CDK13: variants seen among roughly 807,000 people sequenced by gnomAD.
CDK13 encodes cyclin-dependent kinase 13.
Under a neutral mutation model 137.6 loss-of-function variants are expected in CDK13, and 40 were observed. The ratio of observed to expected loss-of-function variants is 0.29; its 90% CI spans 0.23 to 0.38. CDK13 has a LOEUF of 0.38. Among genes scored for constraint, CDK13 ranks in the 10% least tolerant of loss-of-function variants. The pLI is 1.00. For missense variants in CDK13, 1,704 were observed against 1,951.8 expected, an observed-to-expected ratio of 0.87 and a Z score of 2.39; for synonymous variants, 869 against 760.1, an observed-to-expected ratio of 1.14 and a Z score of -2.36.
intron 5 of CDK13, among the ~76,000 whole-genome samples, chr7:40,034,167 T>A (rs1243958448): frequency 1.3e-5 from 2 of 152,184 alleles, no homozygotes; most frequent in African/African-American, 4.8e-5. Flanking sequence ...TAGTTTTTAA[T>A]TAAAACTTGT....
chr7:40,072,075 G>C (rs754321166), intron 9 of CDK13: 1 of 152,140 alleles, frequency 6.6e-6, no homozygotes, highest in African/African-American at 2.4e-5. Flanking sequence ...ATATTAAAAA[G>C]ATACATACTC....
intron 11 of CDK13, among the ~76,000 whole-genome samples, chr7:40,084,543 G>A (rs537677278): frequency 6.6e-6 from 1 of 152,302 alleles, no homozygotes; most frequent in African/African-American, 2.4e-5. Context: ...CAAACGTAAA[G>A]TATATATAGC....
intron 1 of CDK13, among the ~76,000 whole-genome samples, chr7:39,974,577 T>G (rs1485699440): frequency 6.9e-6 from 1 of 143,990 alleles, no homozygotes; most frequent in Non-Finnish European, 1.5e-5. Context: ...TTTTTTTTTG[T>G]TTTTTGAGAT....
chr7:39,965,379 CTTTG>C (rs1231449656), intron 1 of CDK13, among the ~76,000 whole-genome samples: 2 of 152,162 alleles, frequency 1.3e-5, no homozygotes, highest in Non-Finnish European at 2.9e-5. Flanking sequence ...TAATGGCCTT[CTTTG>C]TTTCTTTTGA....
chr7:40,053,667 G>A (rs1785945068), intron 7 of CDK13, among the ~76,000 whole-genome samples: 2 of 151,596 alleles, frequency 1.3e-5, no homozygotes, highest in South Asian at 2.1e-4. Context: ...GGCATCATTG[G>A]GCACATCTTC....
chr7:39,968,612 C>T (rs1016741535), intron 1 of CDK13, among the ~76,000 whole-genome samples: 1 of 152,232 alleles, frequency 6.6e-6, no homozygotes, highest in Non-Finnish European at 1.5e-5. Flanking sequence ...AATCAGTTGA[C>T]TATAAATGGG....
chr7:40,015,507 A>C (rs751470129), intron 5 of CDK13, among the ~76,000 whole-genome samples: 13 of 152,144 alleles, frequency 8.5e-5, no homozygotes, highest in Non-Finnish European at 1.9e-4. Flanking sequence ...GGTTTGTTGT[A>C]ATTATTTAGT....
chr7:40,073,037 A>G (rs1325707948), intron 9 of CDK13: 2 of 152,228 alleles, frequency 1.3e-5, no homozygotes, highest in South Asian at 2.1e-4. Flanking sequence ...GTATGTGTAT[A>G]TGTGAGTATA....
chr7:39,988,198 C>G lies in CDK13; in HGVS notation c.1811C>G (p.Thr604Ser). The G allele has an allele frequency of 6.2e-7, 1 of 1,613,946 alleles. No individual in the cohort carries two copies. The highest frequency in any genetic ancestry group is 1.1e-5 in the South Asian group (1 of 91,044). ...KEKEQHVALV[T>S]STLPPLPLPP... is the part of the protein sequence containing the mutation. ...AAGGAGCAACATGTAGCTTTAGTCA[C>G]CTCTACATTACCACCGTTACCTTTG... is the stretch of plus-strand genomic sequence containing the variant. The change falls in exon 2 of 14, where the codon ACC (threonine) becomes AGC (serine). Residue 604 changes from threonine (T) to serine (S), a missense_variant. Transcript: ENST00000181839.
chr7:40,074,147 G>C (rs2150533741), intron 9 of CDK13, among the ~76,000 whole-genome samples: 1 of 152,084 alleles, frequency 6.6e-6, no homozygotes, highest in South Asian at 2.1e-4. Flanking sequence ...CAATCCACCT[G>C]CATCGGCCTT....
At chr7:40,089,809 G>C (rs904269543) in intron 12 of CDK13, among the ~76,000 whole-genome samples, 3 of 151,916 alleles carry the variant, frequency 2.0e-5, no homozygotes, top group African/African-American at 7.3e-5. Flanking sequence ...TAAGAGATGA[G>C]TATATGTTGA....
At chr7:39,981,750 GA>G (rs1562710407) in intron 1 of CDK13, among the ~76,000 whole-genome samples, 2 of 151,592 alleles carry the variant, frequency 1.3e-5, no homozygotes, top group South Asian at 4.2e-4. Flanking sequence ...GAATTCAGTT[GA>G]TATAGTGATC....
intron 9 of CDK13, chr7:40,071,961 G>A (rs1199488465): frequency 6.6e-6 from 1 of 152,134 alleles, no homozygotes; most frequent in Non-Finnish European, 1.5e-5. Context: ...AAAAGCAGCT[G>A]CCTCAGTTCG....
rs78964032 is a variant in CDK13, at chr7:40,003,212, T to A, written c.2353+1181T>A. 8.4e-3 allele frequency among the ~76,000 whole-genome samples: 759 copies of A among 90,260 alleles called. 3 individuals are homozygous for A. The highest frequency in any genetic ancestry group is 0.064 in the East Asian group (151 of 2,342). The allele number at this position is 90,260 out of a possible 152,430, so 59.2% of individuals were successfully genotyped here. ...CACACACACACACACACACACTCTC[T>A]CTCTCTCTCTCTCTTACTCTGTTGA... On this transcript the variant is annotated intron_variant, in intron 5 of 13. Transcript: ENST00000181839.
chr7:40,042,482 T>C (rs1415329318), intron 5 of CDK13, among the ~76,000 whole-genome samples: 29 of 134,930 alleles, frequency 2.1e-4, no homozygotes, highest in Admixed American at 9.0e-4. Context: ...TCTTTCTTTT[T>C]TTTTTTTTTT....
intron 1 of CDK13, among the ~76,000 whole-genome samples, chr7:39,954,156 G>A (rs182135114): frequency 1.0e-3 from 154 of 152,174 alleles, no homozygotes; most frequent in Non-Finnish European, 1.7e-3. Flanking sequence ...TATAAAGACA[G>A]TTGTCATGAT....
chr7:40,078,271 GA>G, intron 10 of CDK13, 150 bp downstream of exon 10: 1 of 437,320 alleles, frequency 2.3e-6, no homozygotes. Context: ...GCTACATGCA[GA>G]TTACCATTTT....
At chr7:39,978,908 G>A (rs1401086418) in intron 1 of CDK13, among the ~76,000 whole-genome samples, 1 of 152,176 alleles carries the variant, frequency 6.6e-6, no homozygotes, top group Non-Finnish European at 1.5e-5. Flanking sequence ...TACGGTGGAT[G>A]AAGGCACAGG....
At chr7:40,005,167 C>T (rs1211625654) in intron 5 of CDK13, among the ~76,000 whole-genome samples, 2 of 98,630 alleles carry the variant, frequency 2.0e-5, no homozygotes, top group African/African-American at 8.0e-5. Flanking sequence ...GAGCGAGACT[C>T]TTGTCTCAAA....
Sources: allele counts gnomAD v4.1 joint callset (sites outside exome capture counted in the v4.1 genomes callset), GRCh38; gene constraint gnomAD v4.1.1; transcripts MANE v1.5; gene names NCBI Gene and HGNC (gene_info 2026-07-23, HGNC 2026-07-21).